Variants in SRFBP1 observed in about 807,000 individuals in gnomAD.
SRFBP1 encodes the protein serum response factor binding protein 1.
A neutral mutation model predicts 45.5 loss-of-function variants in SRFBP1; 47 were observed. The ratio of observed to expected loss-of-function variants is 1.03; its 90% CI spans 0.82 to 1.32. The LOEUF is 1.32. SRFBP1 is among the 40% of genes most tolerant of loss of function. The probability of loss-of-function intolerance (pLI) is 0.00; values close to 1 mark genes in which losing one functional copy is unlikely to be tolerated. For missense variants in SRFBP1, 621 were observed against 484.6 expected (o/e 1.28, Z -2.64); for synonymous variants, 203 against 166.3 (o/e 1.22, Z -1.70).
chr5:122,073,945 C>A, intron 2 of SRFBP1: 1 of 1,418,088 alleles, frequency 7.1e-7, no homozygotes, highest in Admixed American at 1.8e-5. Context: ...CTATTTAATG[C>A]TAACTAACGG....
intron 2 of SRFBP1, among the ~76,000 whole-genome samples, chr5:122,060,309 G>A (rs1754150105): frequency 6.6e-6 from 1 of 151,468 alleles, no homozygotes; most frequent in African/African-American, 2.4e-5. Flanking sequence ...TCTTTTTGCT[G>A]GACGTAAACA....
chr5:121,995,159 C>T (rs1022853276), intron 4 of SRFBP1, among the ~76,000 whole-genome samples: 2 of 151,240 alleles, frequency 1.3e-5, no homozygotes, highest in African/African-American at 4.9e-5. Flanking sequence ...CTGCACCAAG[C>T]GGACCTAATA....
chr5:122,051,081 G>C (rs1189639141), intron 2 of SRFBP1, among the ~76,000 whole-genome samples: 1 of 152,062 alleles, frequency 6.6e-6, no homozygotes, highest in Non-Finnish European at 1.5e-5. Flanking sequence ...TCTTAGTATT[G>C]ATTCCTATTT....
intron 2 of SRFBP1, among the ~76,000 whole-genome samples, chr5:122,048,789 C>G (rs1202544789): frequency 2.0e-5 from 3 of 151,984 alleles, no homozygotes; most frequent in African/African-American, 7.2e-5. Flanking sequence ...TATATGTGTC[C>G]AGGAATTTAT....
chr5:122,057,089 T>C (rs915420698), intron 2 of SRFBP1, among the ~76,000 whole-genome samples: 1 of 152,190 alleles, frequency 6.6e-6, no homozygotes, highest in Non-Finnish European at 1.5e-5. Context: ...CCTTGCCAAG[T>C]GTCCTTAGCT....
Position 121,984,664 on chromosome 5 carries a change from A to G in SRFBP1, c.198+9277A>G, listed in dbSNP as rs538678730. Among the ~76,000 whole-genome samples, 25 of 151,974 alleles carry G rather than the reference A, an allele frequency of 1.6e-4. No individual in the cohort carries two copies. The East Asian group carries it at 2.5e-3, about 15-fold the overall frequency. ...GCCATAGTACACTTTAATTTTTAAG[A>G]ATTTGAATTTCTATAGTCTTTTAAT... On this transcript the variant is annotated intron_variant, in intron 3 of 7. Transcript: ENST00000339397.
intron 2 of SRFBP1, among the ~76,000 whole-genome samples, chr5:122,050,847 TG>T (rs1753960615): frequency 6.6e-6 from 1 of 151,698 alleles, no homozygotes; most frequent in African/African-American, 2.4e-5. Context: ...AATGTTAGGT[TG>T]TTAATTTGAG....
chr5:121,994,822 A>C (rs1752687264), intron 4 of SRFBP1, 152 bp downstream of exon 4: 1 of 538,924 alleles, frequency 1.9e-6, no homozygotes, highest in Admixed American at 3.8e-5. Flanking sequence ...CACAAAAAAA[A>C]TTTATACTAA....
chr5:121,988,539 TAAC>T (rs910279718), intron 3 of SRFBP1, among the ~76,000 whole-genome samples: 6 of 152,214 alleles, frequency 3.9e-5, no homozygotes, highest in African/African-American at 1.2e-4. Flanking sequence ...CATCATAAGG[TAAC>T]AACATGTTCA....
chr5:122,009,563 C>G (rs566901437), intron 4 of SRFBP1, among the ~76,000 whole-genome samples: 1 of 152,292 alleles, frequency 6.6e-6, no homozygotes, highest in Admixed American at 6.5e-5. Flanking sequence ...AGGAAGTATT[C>G]CATTCTTCAG....
At chr5:121,995,052 T>C (rs944311396) in intron 4 of SRFBP1, among the ~76,000 whole-genome samples, 1 of 151,204 alleles carries the variant, frequency 6.6e-6, no homozygotes, top group Non-Finnish European at 1.5e-5. Context: ...TAGACTCCCA[T>C]ACAATAATAA....
At chr5:122,024,202 T>G (rs1398785615) in intron 7 of SRFBP1, among the ~76,000 whole-genome samples, 2 of 152,252 alleles carry the variant, frequency 1.3e-5, no homozygotes, top group Non-Finnish European at 2.9e-5. Context: ...CAGTTACCTT[T>G]GTACAGCAAA....
At chr5:122,063,415 T>A (rs1407184487) in intron 2 of SRFBP1, 2 of 151,892 alleles carry the variant, frequency 1.3e-5, no homozygotes, top group African/African-American at 2.4e-5. Flanking sequence ...AAATGACATG[T>A]TACTTAGTTT....
chr5:121,980,428 A>G (rs1273903366), intron 3 of SRFBP1, among the ~76,000 whole-genome samples: 5 of 152,172 alleles, frequency 3.3e-5, no homozygotes, highest in African/African-American at 1.2e-4. Flanking sequence ...GACTATGTGA[A>G]TATCCTGTAG....
At chr5:122,031,507 A>C (rs1476123391), downstream of SRFBP1, among the ~76,000 whole-genome samples, 1 of 152,190 alleles carries the variant, frequency 6.6e-6, no homozygotes, top group African/African-American at 2.4e-5. Flanking sequence ...CGTCTCACCA[A>C]ATAGAGAAAA....
rs1753275689 is a variant in SRFBP1, at chr5:122,020,211, A to G, written c.476A>G (p.Gln159Arg). 6.2e-7 allele frequency: 1 copy of G among 1,613,520 alleles called. No individual in the cohort carries two copies. The highest frequency in any genetic ancestry group is 1.3e-5 in the African/African-American group (1 of 75,048). Residue 159 changes from glutamine to arginine, a missense_variant, in exon 6 of 8, where the codon CAG (glutamine) becomes CGG (arginine). Coordinates refer to ENST00000339397, the MANE Select transcript of SRFBP1 (RefSeq NM_152546.3). ...TCAAATGATAATGGAAGTAATTTAC[A>G]GCGTGAAGCAACTGTCATCAGTGAG... Reference protein sequence around the residue: ...LYSNDNGSNLQREATVISEQK... With the variant: ...LYSNDNGSNLRREATVISEQK...
chr5:122,063,353 A>G (rs1455877803), intron 2 of SRFBP1: 1 of 151,942 alleles, frequency 6.6e-6, no homozygotes, highest in Non-Finnish European at 1.5e-5. Context: ...CTTACAAATA[A>G]CATTCCTGAA....
At chr5:122,010,721 A>T in intron 4 of SRFBP1, among the ~76,000 whole-genome samples, 1 of 135,104 alleles carries the variant, frequency 7.4e-6, no homozygotes, top group African/African-American at 3.2e-5. Context: ...ATTTCCCATA[A>T]AATTTTAATT....
intron 2 of SRFBP1, chr5:122,065,719 A>C (rs1170850146): frequency 6.6e-6 from 1 of 152,088 alleles, no homozygotes; most frequent in Non-Finnish European, 1.5e-5. Context: ...TCTTTTTAAA[A>C]TCTAGAAAAC....
Sources: allele counts gnomAD v4.1 joint callset (sites outside exome capture counted in the v4.1 genomes callset), GRCh38; gene constraint gnomAD v4.1.1; transcripts MANE v1.5; gene names NCBI Gene and HGNC (gene_info 2026-07-23, HGNC 2026-07-21).